Variants in NSMCE1 observed in about 807,000 individuals in gnomAD.
NSMCE1 encodes the protein non-structural maintenance of chromosomes element 1 homolog.
In NSMCE1, 18 loss-of-function variants were observed where a neutral mutation model predicts 29.6. That is an observed-to-expected ratio of 0.61 (90% confidence interval 0.42 to 0.90). NSMCE1 has a LOEUF of 0.90. Among genes scored for constraint, NSMCE1 ranks in the 40% least tolerant of loss-of-function variants. NSMCE1 has a pLI of 0.00. For missense variants in NSMCE1, 314 were observed against 343.6 expected (o/e 0.91, Z 0.68); for synonymous variants, 124 against 133.4 (o/e 0.93, Z 0.49).
chr16:27,234,583 T>C (rs2083798610), intron 3 of NSMCE1, among the ~76,000 whole-genome samples: 2 of 152,252 alleles, frequency 1.3e-5, no homozygotes, highest in South Asian at 4.1e-4. Context: ...AGAAGTCTGA[T>C]AGCAAGGAAA....
In NSMCE1 at chr16:27,245,541, A is replaced by G. The variant is rs1377554138; in HGVS notation, c.137-10242T>C. 2.0e-5 allele frequency among the ~76,000 whole-genome samples: 3 copies of G among 152,250 alleles called. No homozygotes were observed. The East Asian group carries it at 5.8e-4, about 29-fold the overall frequency. Reference sequence around the variant, plus strand: ...CAGCCTGGACTCCCAGGCTGCAGACATGAAGAACGGGCAGGACTTGGACAC... The same window carrying G: ...CAGCCTGGACTCCCAGGCTGCAGACGTGAAGAACGGGCAGGACTTGGACAC... On this transcript the variant is annotated intron_variant, in intron 2 of 7. Transcript: ENST00000361439.
intron 5 of NSMCE1, among the ~76,000 whole-genome samples, chr16:27,230,361 C>A (rs1443196638): frequency 6.6e-6 from 1 of 152,196 alleles, no homozygotes; most frequent in East Asian, 1.9e-4. Context: ...GGATCAGACA[C>A]TGACATGTGG....
intron 2 of NSMCE1, among the ~76,000 whole-genome samples, chr16:27,244,165 G>A (rs1465564680): frequency 6.6e-6 from 1 of 152,186 alleles, no homozygotes; most frequent in Non-Finnish European, 1.5e-5. Flanking sequence ...CTCTCTTGCT[G>A]GAGCAAGCTC....
intron 2 of NSMCE1, among the ~76,000 whole-genome samples, chr16:27,245,919 C>T (rs559824118): frequency 6.6e-6 from 1 of 152,328 alleles, no homozygotes; most frequent in Admixed American, 6.5e-5. Context: ...ATGACTGAGT[C>T]TTCCTTGGAA....
At chr16:27,247,076 G>A (rs1417209757) in intron 2 of NSMCE1, among the ~76,000 whole-genome samples, 1 of 152,106 alleles carries the variant, frequency 6.6e-6, no homozygotes, top group East Asian at 1.9e-4. Context: ...TCTAAACTAA[G>A]TGTAAAATAC....
At chr16:27,228,276 G>A (rs763577718) in intron 5 of NSMCE1, among the ~76,000 whole-genome samples, 40 of 152,238 alleles carry the variant, frequency 2.6e-4, no homozygotes, top group Non-Finnish European at 4.4e-4. Flanking sequence ...CAGCCGCTGC[G>A]GGAACAGTGG....
intron 4 of NSMCE1, 60 bp from the exon 5 acceptor site, chr16:27,233,207 G>T: frequency 6.6e-7 from 1 of 1,509,890 alleles, no homozygotes; most frequent in African/African-American, 1.4e-5. Context: ...ACTTTTAAAT[G>T]GTAATACCAA....
intron 2 of NSMCE1, among the ~76,000 whole-genome samples, chr16:27,251,929 T>TA (rs1326161152): frequency 1.3e-5 from 2 of 152,168 alleles, no homozygotes; most frequent in African/African-American, 4.8e-5. Context: ...CTACCTGCCT[T>TA]AGTCTCCCTG....
At chr16:27,227,871 C>T (rs577699913) in intron 5 of NSMCE1, among the ~76,000 whole-genome samples, 3 of 151,138 alleles carry the variant, frequency 2.0e-5, no homozygotes, top group East Asian at 2.0e-4. Flanking sequence ...ATGCAACTTC[C>T]GCATCCCGGG....
At chr16:27,264,671 A>C (rs1402262788) in intron 1 of NSMCE1, among the ~76,000 whole-genome samples, 1 of 152,218 alleles carries the variant, frequency 6.6e-6, no homozygotes, top group Non-Finnish European at 1.5e-5. Flanking sequence ...AAATACTGTA[A>C]GACTTTTAGG....
Position 27,232,751 on chromosome 16 carries a change from G to A in NSMCE1, c.483+250C>T, listed in dbSNP as rs368673655. ...GATCCTGGGGCCCAAGTCCCTGGGCGCGGCTCCTGGCTCTGCCATTCTGGC... is the reference window on the plus strand; with the variant it reads ...GATCCTGGGGCCCAAGTCCCTGGGCACGGCTCCTGGCTCTGCCATTCTGGC... On this transcript the variant is annotated intron_variant, in intron 5 of 7. Coordinates refer to ENST00000361439, the MANE Select transcript of NSMCE1 (RefSeq NM_145080.4). The surrounding 1 kb of genome is among the most constrained non-coding windows in gnomAD (Gnocchi z 4.5). Among the ~76,000 whole-genome samples, 2 of 152,228 alleles carry A rather than the reference G, an allele frequency of 1.3e-5. No individual in the cohort carries two copies. The highest frequency in any genetic ancestry group is 2.4e-5 in the African/African-American group (1 of 41,460).
chr16:27,266,648 AAATT>A (rs2084229311), intron 1 of NSMCE1: 1 of 152,158 alleles, frequency 6.6e-6, no homozygotes, highest in African/African-American at 2.4e-5. Flanking sequence ...TTTTTTAAAA[AAATT>A]AATTAAAACA....
intron 1 of NSMCE1, among the ~76,000 whole-genome samples, chr16:27,267,734 ATT>A (rs111284469): frequency 6.8e-6 from 1 of 147,894 alleles, no homozygotes; most frequent in African/African-American, 2.5e-5. Context: ...AAATATATGC[ATT>A]TTTTTTTTTG....
At chr16:27,259,503 T>C (rs973011231) in intron 1 of NSMCE1, among the ~76,000 whole-genome samples, 3 of 152,150 alleles carry the variant, frequency 2.0e-5, no homozygotes, top group African/African-American at 7.2e-5. Flanking sequence ...CTAAGGGTCT[T>C]GAAGCAGGAA....
At chr16:27,250,968 A>C (rs1328756028) in intron 2 of NSMCE1, among the ~76,000 whole-genome samples, 1 of 144,172 alleles carries the variant, frequency 6.9e-6, no homozygotes, top group Non-Finnish European at 1.5e-5. Context: ...CGGCCTCCCG[A>C]GCAGCTGGGA....
At chr16:27,246,620 C>T (rs190374291) in intron 2 of NSMCE1, among the ~76,000 whole-genome samples, 273 of 152,226 alleles carry the variant, frequency 1.8e-3, no homozygotes, top group African/African-American at 6.3e-3. Flanking sequence ...CCTCTGAGTA[C>T]CTGTGATTAC....
chr16:27,227,419 G>C lies in NSMCE1; in HGVS notation c.484-583C>G, dbSNP rs183085361. On this transcript the variant is annotated intron_variant, in intron 5 of 7. Transcript: ENST00000361439. ...ACTGTGGGCAGTGGAGCCTCCAGTGGAAGCCAGGCCTCCTGGTTCCCATGC... is the reference window on the plus strand; with the variant it reads ...ACTGTGGGCAGTGGAGCCTCCAGTGCAAGCCAGGCCTCCTGGTTCCCATGC... 8.7e-4 allele frequency among the ~76,000 whole-genome samples: 133 copies of C among 152,356 alleles called. No homozygotes were observed. In the Middle Eastern group the frequency reaches 0.01, roughly 12 times the overall value.
intron 2 of NSMCE1, among the ~76,000 whole-genome samples, chr16:27,236,516 C>T (rs924054657): frequency 2.0e-5 from 3 of 151,994 alleles, no homozygotes; most frequent in African/African-American, 4.8e-5. Flanking sequence ...AGGCTGGTCT[C>T]GATCTCCTGA....
At chr16:27,244,312 A>G (rs1342384019) in intron 2 of NSMCE1, among the ~76,000 whole-genome samples, 1 of 152,244 alleles carries the variant, frequency 6.6e-6, no homozygotes, top group Admixed American at 6.5e-5. Context: ...GGCTGACTGC[A>G]GTCGCTCTGA....
Sources: allele counts gnomAD v4.1 joint callset (sites outside exome capture counted in the v4.1 genomes callset), GRCh38; gene constraint gnomAD v4.1.1; non-coding constraint Gnocchi (gnomAD v3.1); transcripts MANE v1.5; gene names NCBI Gene and HGNC (gene_info 2026-07-23, HGNC 2026-07-21).